Variants in IPO7 observed in about 807,000 individuals in gnomAD.
The protein encoded by IPO7 is importin 7.
IPO7 carries 13 observed loss-of-function variants against 136.4 expected under a neutral mutation model. The observed-to-expected ratio is 0.10, with a 90% confidence interval of 0.06 to 0.15. The LOEUF (loss-of-function observed/expected upper bound fraction) is 0.15, where lower values mean the gene tolerates loss of function less well. IPO7 is among the 10% of genes least tolerant of loss of function. The pLI is 1.00. For missense variants in IPO7, 857 were observed against 1,240.6 expected (o/e 0.69, Z 4.65); for synonymous variants, 403 against 404.4 (o/e 1.00, Z 0.04).
chr11:9,388,571 C>T (rs576268963), intron 1 of IPO7, among the ~76,000 whole-genome samples: 118 of 151,746 alleles, frequency 7.8e-4, no homozygotes, highest in African/African-American at 2.6e-3. Context: ...CTCTCCCTCT[C>T]GGGCTCAAGC....
In IPO7 at chr11:9,437,832, C is replaced by G. The variant is rs35386935; in HGVS notation, c.2347C>G (p.Leu783Val). The stretch of plus-strand genomic sequence containing the variant: ...GACAAGTGAACTTCGAACTATGTGT[C>G]TGCAAGTTGCAATTGCAGCTTTGTA... The part of the protein sequence containing the change: ...VKTSELRTMC[L>V]QVAIAALYYN... The change falls in exon 21 of 25, where the codon CTG becomes GTG. Residue 783 changes from leucine (L) to valine (V), a missense_variant. Physicochemically the swap from Leu to Val is conservative, Grantham distance 32. Transcript: ENST00000379719. 2 of 1,614,026 alleles carry G rather than the reference C, an allele frequency of 1.2e-6. No homozygotes were observed. Among genetic ancestry groups the G allele is most frequent in the Non-Finnish European group, 1.7e-6 (2 of 1,179,928 alleles).
chr11:9,421,018 G>A (rs1242222407), intron 8 of IPO7, among the ~76,000 whole-genome samples: 1 of 151,998 alleles, frequency 6.6e-6, no homozygotes, highest in Non-Finnish European at 1.5e-5. Context: ...GAGTGCAGTG[G>A]CGTAATCTCG....
In IPO7 at chr11:9,408,642, A is replaced by G. The variant is rs976449862; in HGVS notation, c.320+3A>G. 9.4e-6 allele frequency: 13 copies of G among 1,380,896 alleles called. No homozygotes were observed. The highest frequency in any genetic ancestry group is 1.3e-5 in the South Asian group (1 of 75,324). The allele number at this position is 1,380,896 out of a possible 1,614,324, so 85.5% of individuals were successfully genotyped here. ...ATCCATTCTCCTGAGCTCATCAGGT[A>G]TGTATTTTTAAAATTTACCCATTTC... On this transcript the variant is annotated splice_donor_region_variant and intron_variant, in intron 3 of 24. Coordinates refer to ENST00000379719, the MANE Select transcript of IPO7 (RefSeq NM_006391.3).
At position 9,430,477 on chromosome 11, in the gene IPO7, C is replaced by T. The variant is rs139376454; in HGVS notation, c.1753-398C>T. On this transcript the variant is annotated intron_variant, in intron 15 of 24. Transcript: ENST00000379719. ...AGTGCCCTGGAATGCTCAAAATAAT[C>T]GATTGAATTTTACAAAAGATAAATC... is the stretch of plus-strand genomic sequence containing the variant. 24 of 167,618 alleles carry T rather than the reference C, an allele frequency of 1.4e-4. No individual in the cohort carries two copies. In the South Asian group the frequency reaches 3.6e-3, roughly 25 times the overall value. The allele number at this position is 167,618 out of a possible 1,614,324, so 10.4% of individuals were successfully genotyped here. A position where few individuals can be genotyped will look rare whatever the true frequency, so the allele number is the denominator to read the frequency against.
chr11:9,428,739 T>G (rs929434800), intron 13 of IPO7, 110 bp downstream of exon 13: 1 of 805,606 alleles, frequency 1.2e-6, no homozygotes. Flanking sequence ...TGTCTTATTT[T>G]AGGTTTCTGT....
At chr11:9,438,374 C>T (rs1855413257) in intron 22 of IPO7, 89 bp downstream of exon 22, 3 of 806,956 alleles carry the variant, frequency 3.7e-6, no homozygotes, top group Non-Finnish European at 6.1e-6. Context: ...GGCCTGTAAT[C>T]CCAGCACTTT....
At chr11:9,438,745 A>G (rs1446776948) in intron 22 of IPO7, among the ~76,000 whole-genome samples, 1 of 152,238 alleles carries the variant, frequency 6.6e-6, no homozygotes, top group Admixed American at 6.5e-5. Context: ...TGATGTAATC[A>G]GGAACTTCAG....
chr11:9,414,464 G>T, intron 5 of IPO7, 53 bp downstream of exon 5: 1 of 1,163,956 alleles, frequency 8.6e-7, no homozygotes, highest in African/African-American at 1.6e-5. Flanking sequence ...GTCATTTACC[G>T]TGTTAAAAAT....
intron 2 of IPO7, among the ~76,000 whole-genome samples, chr11:9,405,144 C>T (rs1379152528): frequency 6.6e-6 from 1 of 151,898 alleles, no homozygotes; most frequent in Non-Finnish European, 1.5e-5. Context: ...GGCTGTATTG[C>T]CCAGGCTAGA....
In IPO7 at chr11:9,409,795, A is replaced by T. The variant is rs1163637608; in HGVS notation, c.321-133A>T. On this transcript the variant is annotated intron_variant, in intron 3 of 24. Coordinates refer to ENST00000379719, the MANE Select transcript of IPO7 (RefSeq NM_006391.3). ...CAGTGACTTATTCTGAATCATATAT[A>T]TTCTGTGTACATCTAAAATCACTGG... 6.9e-6 allele frequency: 4 copies of T among 578,058 alleles called. No homozygotes were observed. The African/African-American group carries it at 7.8e-5, about 11-fold the overall frequency. 35.8% of individuals were successfully genotyped at this position (578,058 alleles called of 1,614,324 possible).
At chr11:9,427,947 A>G (rs1855236329) in intron 12 of IPO7, among the ~76,000 whole-genome samples, 4 of 152,140 alleles carry the variant, frequency 2.6e-5, no homozygotes, top group African/African-American at 7.2e-5. Context: ...TGTTGATTTA[A>G]TGTGCAGTTT....
chr11:9,427,132 G>C (rs1332889264), intron 12 of IPO7, among the ~76,000 whole-genome samples: 1 of 152,160 alleles, frequency 6.6e-6, no homozygotes, highest in Non-Finnish European at 1.5e-5. Flanking sequence ...TTACAGGCGT[G>C]AGCCACTGTG....
rs1855173259 is a variant in IPO7, at chr11:9,424,315, T to A, written c.1141+439T>A. On this transcript the variant is annotated intron_variant, in intron 10 of 24. Transcript: ENST00000379719. ...TTCTTACCAAGTCATTTGTGCTTTTTGCAGCTTGTACTTTTGTGACCCTGT... is the reference window on the plus strand; with the variant it reads ...TTCTTACCAAGTCATTTGTGCTTTTAGCAGCTTGTACTTTTGTGACCCTGT... Among the ~76,000 whole-genome samples the A allele has an allele frequency of 2.6e-5, 4 of 152,258 alleles. No homozygotes were observed. In the South Asian group the frequency reaches 8.3e-4, roughly 31 times the overall value.
At chr11:9,384,897 TGGCAGGCCGAGCCC>T in intron 1 of IPO7, 50 bp downstream of exon 1, 1 of 1,457,890 alleles carries the variant, frequency 6.9e-7, no homozygotes, top group Non-Finnish European at 9.4e-7. Context: ...TGGGCAGAAG[TGGCAGGCCGAGCCC>T]CCGGGGCCTG....
At position 9,433,884 on chromosome 11, in the gene IPO7, C is replaced by T. The variant is rs749361344; in HGVS notation, c.2074+38C>T. 3 of 1,571,898 alleles carry T rather than the reference C, an allele frequency of 1.9e-6. No homozygotes were observed. The South Asian group carries it at 3.4e-5, about 18-fold the overall frequency. ...AGCATGGAAATACTGAGGGTTTTCC[C>T]TGCTTTGATTTATTTGTAGCTTATC... On this transcript the variant is annotated intron_variant, in intron 18 of 24. Transcript: ENST00000379719.
intron 1 of IPO7, among the ~76,000 whole-genome samples, chr11:9,389,588 T>C (rs959247209): frequency 6.6e-6 from 1 of 152,170 alleles, no homozygotes; most frequent in South Asian, 2.1e-4. Context: ...ATGACGAAAC[T>C]ATTAGATCTG....
At chr11:9,430,802 A>T in intron 15 of IPO7, 73 bp from the exon 16 acceptor site, 1 of 1,283,632 alleles carries the variant, frequency 7.8e-7, no homozygotes, top group Non-Finnish European at 1.1e-6. Flanking sequence ...CGTTCTAAGA[A>T]TTAAAAGTCT....
intron 10 of IPO7, among the ~76,000 whole-genome samples, chr11:9,424,550 C>T (rs1855176875): frequency 6.6e-6 from 1 of 152,156 alleles, no homozygotes. Context: ...TTGAGACCAG[C>T]CTGACCAATA....
intron 2 of IPO7, among the ~76,000 whole-genome samples, chr11:9,406,135 T>G (rs926952970): frequency 3.7e-5 from 4 of 107,246 alleles, no homozygotes; most frequent in African/African-American, 1.4e-4. Flanking sequence ...TTTTTTTTAG[T>G]AGAGACGGGG....
Sources: gnomAD v4.1 joint callset for allele counts (sites outside exome capture counted in the v4.1 genomes callset) on GRCh38, gnomAD v4.1.1 for gene constraint, MANE v1.5 for transcripts, NCBI Gene and HGNC (gene_info 2026-07-23, HGNC 2026-07-21) for gene names.